CACNA2D1: variants seen among roughly 807,000 people sequenced by gnomAD.
The protein encoded by CACNA2D1 is voltage-dependent calcium channel subunit alpha-2/delta-1.
A neutral mutation model predicts 171.5 loss-of-function variants in CACNA2D1; 53 were observed. The ratio of observed to expected loss-of-function variants is 0.31; its 90% CI spans 0.25 to 0.39. The LOEUF is 0.39. Ranked by LOEUF, CACNA2D1 falls within the 10% of genes least tolerant of loss-of-function variation. The pLI is 1.00. For missense variants in CACNA2D1, 903 were observed against 1,299.8 expected (o/e 0.69, Z 4.69); for synonymous variants, 442 against 443.1 (o/e 1.00, Z 0.03).
chr7:82,269,845 ATTATTAGAGT>A (rs1438697195), intron 3 of CACNA2D1, among the ~76,000 whole-genome samples: 1 of 152,166 alleles, frequency 6.6e-6, no homozygotes, highest in Non-Finnish European at 1.5e-5. Flanking sequence ...CACTTTTCTT[ATTATTAGAGT>A]GCTTCAGTAG....
At chr7:82,440,113 T>C (rs1330130745) in intron 1 of CACNA2D1, among the ~76,000 whole-genome samples, 1 of 151,964 alleles carries the variant, frequency 6.6e-6, no homozygotes, top group African/African-American at 2.4e-5. Context: ...TATGCTTATT[T>C]CCTGTGGATA....
At chr7:82,351,410 T>C (rs947748510) in intron 1 of CACNA2D1, among the ~76,000 whole-genome samples, 9 of 151,224 alleles carry the variant, frequency 6.0e-5, no homozygotes, top group Non-Finnish European at 1.2e-4. Flanking sequence ...AAGAAAAAAA[T>C]GGAAAGCCAG....
chr7:81,967,514 A>T, intron 30 of CACNA2D1, 82 bp downstream of exon 30: 2 of 742,590 alleles, frequency 2.7e-6, no homozygotes, highest in South Asian at 3.3e-5. Flanking sequence ...TGTATTTGCC[A>T]CTGTATAAGG....
At chr7:81,974,268 A>C (rs1172108454) in intron 25 of CACNA2D1, among the ~76,000 whole-genome samples, 187 bp downstream of exon 25, 1 of 152,088 alleles carries the variant, frequency 6.6e-6, no homozygotes, top group Non-Finnish European at 1.5e-5. Context: ...GATTTAACTA[A>C]ATAATGAAAT....
In CACNA2D1 at chr7:82,137,970, C is replaced by T. The variant is rs1033202546; in HGVS notation, c.355-1294G>A. Among the ~76,000 whole-genome samples, 118 of 152,204 alleles carry T rather than the reference C, an allele frequency of 7.8e-4. 1 individual carries two copies. Among genetic ancestry groups the T allele is most frequent in the African/African-American group, 2.7e-3 (114 of 41,526 alleles). ...TCTCAGTGTATTCCCTTTCCCCCTC[C>T]CCGCAAAAATCACTACTTCTTCAAG... On this transcript the variant is annotated intron_variant, in intron 4 of 38. Transcript: ENST00000356860.
chr7:82,174,042 CAAAAAAAAAAAAAA>C (rs71093365), intron 3 of CACNA2D1, among the ~76,000 whole-genome samples: 1 of 45,628 alleles, frequency 2.2e-5, no homozygotes, highest in Non-Finnish European at 3.9e-5. Flanking sequence ...GACCCTGTCT[CAAAAAAAAAAAAAA>C]AAAAAAAAAA....
chr7:82,431,623 T>C lies in CACNA2D1; in HGVS notation c.95+11742A>G, dbSNP rs189206751. On this transcript the variant is annotated intron_variant, in intron 1 of 38. Coordinates refer to ENST00000356860, the MANE Select transcript of CACNA2D1 (RefSeq NM_000722.4). ...GAATCTAGAATTGAGCTGCTTGAGA[T>C]CAAATCTGAACTCCTAAGGAAATTC... Among the ~76,000 whole-genome samples, 71 of 152,220 alleles carry C rather than the reference T, an allele frequency of 4.7e-4. No individual in the cohort carries two copies. The East Asian group carries it at 8.3e-3, about 18-fold the overall frequency.
chr7:82,429,258 TAATA>T (rs1337792919), intron 1 of CACNA2D1, among the ~76,000 whole-genome samples: 1 of 152,240 alleles, frequency 6.6e-6, no homozygotes, highest in African/African-American at 2.4e-5. Context: ...TAAATCATTA[TAATA>T]TATATTTGAT....
At chr7:82,328,726 T>C (rs909845109) in intron 3 of CACNA2D1, among the ~76,000 whole-genome samples, 8 of 152,156 alleles carry the variant, frequency 5.3e-5, no homozygotes, top group African/African-American at 1.9e-4. Flanking sequence ...AAGAAATACA[T>C]TCTTTAGTAG....
intron 3 of CACNA2D1, among the ~76,000 whole-genome samples, chr7:82,316,288 T>C (rs916684791): frequency 3.3e-5 from 5 of 152,210 alleles, no homozygotes; most frequent in Non-Finnish European, 4.4e-5. Context: ...CTGAATAGCA[T>C]TGCTTGTTTG....
At position 81,955,323 on chromosome 7, in the gene CACNA2D1, T is replaced by C. The variant is rs185219218; in HGVS notation, c.3159+3952A>G. ...AATTGCTAGTTTTAGCCAGACTACA[T>C]TGGAGCATAGACCATAACCTTTATG... On this transcript the variant is annotated intron_variant, in intron 38 of 38. Coordinates refer to ENST00000356860, the MANE Select transcript of CACNA2D1 (RefSeq NM_000722.4). Among the ~76,000 whole-genome samples the C allele has an allele frequency of 1.8e-4, 27 of 152,238 alleles. No homozygotes were observed. In the East Asian group the frequency reaches 2.3e-3, roughly 13 times the overall value.
At chr7:82,085,941 A>G (rs1167146721) in intron 6 of CACNA2D1, among the ~76,000 whole-genome samples, 5 of 152,178 alleles carry the variant, frequency 3.3e-5, no homozygotes, top group African/African-American at 1.2e-4. Context: ...TCTCAAGTCT[A>G]GCATACTAAA....
intron 4 of CACNA2D1, among the ~76,000 whole-genome samples, chr7:82,157,936 A>G (rs918455625): frequency 9.9e-5 from 15 of 152,000 alleles, no homozygotes; most frequent in Non-Finnish European, 1.5e-5. Flanking sequence ...CTAAGATTGC[A>G]GTAATGATTT....
chr7:82,159,470 G>A (rs1794715847), intron 4 of CACNA2D1, among the ~76,000 whole-genome samples: 1 of 151,538 alleles, frequency 6.6e-6, no homozygotes, highest in African/African-American at 2.4e-5. Flanking sequence ...AGAGATTCAG[G>A]AATCCGTCCA....
intron 21 of CACNA2D1, among the ~76,000 whole-genome samples, chr7:81,985,918 C>T (rs1307425881): frequency 6.6e-6 from 1 of 152,170 alleles, no homozygotes; most frequent in African/African-American, 2.4e-5. Context: ...GCCTTAATGA[C>T]TGCCCAAAAT....
At position 82,294,364 on chromosome 7, in the gene CACNA2D1, C is replaced by T. The variant is rs147240967; in HGVS notation, c.294+40771G>A. Among the ~76,000 whole-genome samples, 485 of 152,150 alleles carry T rather than the reference C, an allele frequency of 3.2e-3. 1 individual carries two copies. The highest frequency in any genetic ancestry group is 5.4e-3 in the Non-Finnish European group (367 of 67,980). On this transcript the variant is annotated intron_variant, in intron 3 of 38. Transcript: ENST00000356860. Reference sequence around the variant, plus strand: ...GAAATTTTAACTTGATATTAGGCTCCTTTATCACAGGTCTTCTCTTGAATC... The same window carrying T: ...GAAATTTTAACTTGATATTAGGCTCTTTTATCACAGGTCTTCTCTTGAATC...
chr7:82,133,889 G>A (rs1296250584), intron 5 of CACNA2D1, among the ~76,000 whole-genome samples: 2 of 152,038 alleles, frequency 1.3e-5, no homozygotes, highest in Non-Finnish European at 1.5e-5. Context: ...TGGCTAACAC[G>A]GTGAAACCCC....
At chr7:82,001,782 A>C (rs1234780911) in intron 18 of CACNA2D1, 3 of 534,238 alleles carry the variant, frequency 5.6e-6, no homozygotes, top group Admixed American at 6.1e-5. Flanking sequence ...TCTATCCTAT[A>C]ATCAATTTTC....
chr7:82,084,633 A>C, intron 7 of CACNA2D1, 136 bp downstream of exon 7: 2 of 1,024,618 alleles, frequency 2.0e-6, no homozygotes, highest in Non-Finnish European at 3.0e-6. Flanking sequence ...AAAGCCATGT[A>C]AAGAGGAATG....
Sources: allele counts gnomAD v4.1 joint callset (sites outside exome capture counted in the v4.1 genomes callset), GRCh38; gene constraint gnomAD v4.1.1; transcripts MANE v1.5; gene names NCBI Gene and HGNC (gene_info 2026-07-23, HGNC 2026-07-21).